The following KLF11 variants were observed in gnomAD, a reference collection of about 807,000 sequenced individuals.
KLF11 encodes KLF transcription factor 11.
KLF11 carries 26 observed loss-of-function variants against 29.9 expected under a neutral mutation model. The observed-to-expected ratio is 0.87, with a 90% CI of 0.64 to 1.21. The LOEUF is 1.21. Among genes scored for constraint, KLF11 ranks in the 50% most tolerant of loss-of-function variants. The pLI is 0.00. For missense variants in KLF11, 778 were observed against 665.7 expected (o/e 1.17, Z -1.86); for synonymous variants, 318 against 257.4 (o/e 1.24, Z -2.25).
intron 2 of KLF11, among the ~76,000 whole-genome samples, chr2:10,046,698 T>C (rs1040198100): frequency 6.6e-6 from 1 of 151,964 alleles, no homozygotes; most frequent in Non-Finnish European, 1.5e-5. Context: ...CTACTAAAAG[T>C]ACAAAATTTA....
chr2:10,045,721 C>T (rs1440107920), intron 1 of KLF11, among the ~76,000 whole-genome samples: 1 of 152,254 alleles, frequency 6.6e-6, no homozygotes, highest in Non-Finnish European at 1.5e-5. Flanking sequence ...GGCGGCTTTG[C>T]CGCCTCAGAG....
chr2:10,044,874 G>T (rs1167995863), intron 1 of KLF11, among the ~76,000 whole-genome samples: 3 of 152,030 alleles, frequency 2.0e-5, no homozygotes, highest in African/African-American at 7.2e-5. Context: ...GGTCTGGTGC[G>T]GTGGCTCACG....
Position 10,048,455 on chromosome 2 carries a change from C to T in KLF11, c.1118C>T (p.Pro373Leu), listed in dbSNP as rs141324729. 15 of 1,614,010 alleles carry T rather than the reference C, an allele frequency of 9.3e-6. No homozygotes were observed. In the African/African-American group the frequency reaches 1.5e-4, roughly 16 times the overall value. ...NTKLLPLAPA[P>L]VFITSSQNCV... ...AAGTTGTTGCCCCTTGCCCCTGCTC[C>T]AGTGTTCATCACCTCTAGCCAAAAC... Residue 373 changes from proline to leucine, a missense_variant, in exon 3 of 4, where the codon CCA becomes CTA. Pro to Leu is a moderately conservative substitution (Grantham distance 98). Coordinates refer to ENST00000305883, the MANE Select transcript of KLF11 (RefSeq NM_003597.5).
chr2:10,047,227 T>TG (rs770171866), intron 2 of KLF11, among the ~76,000 whole-genome samples: 10 of 152,308 alleles, frequency 6.6e-5, no homozygotes, highest in Admixed American at 3.9e-4. Context: ...TGAAAGTACT[T>TG]GGAAAAATTG....
chr2:10,045,138 T>A (rs1173676502), intron 1 of KLF11, among the ~76,000 whole-genome samples: 1 of 150,380 alleles, frequency 6.6e-6, no homozygotes, highest in East Asian at 2.0e-4. Context: ...AGAGCAAGAC[T>A]CTGTCTCAAA....
Position 10,054,612 on chromosome 2 carries a change from C to T in KLF11, c.*2105C>T, listed in dbSNP as rs1182735566. Reference sequence around the variant, plus strand: ...TCGGCATGGAGCCCTCAGCTGGCGGCTCTGGGTGCTGACGGCCGCTGGAGA... The same window carrying T: ...TCGGCATGGAGCCCTCAGCTGGCGGTTCTGGGTGCTGACGGCCGCTGGAGA... On this transcript the variant is annotated 3_prime_UTR_variant, in exon 4 of 4. Transcript: ENST00000305883. 6.5e-6 allele frequency: 1 copy of T among 152,694 alleles called. No individual in the cohort carries two copies. The highest frequency in any genetic ancestry group is 2.4e-5 in the African/African-American group (1 of 41,458). The allele number at this position is 152,694 out of a possible 1,614,324, so 9.5% of individuals were successfully genotyped here. A position where few individuals can be genotyped will look rare whatever the true frequency, so the allele number is the denominator to read the frequency against.
rs1366493460 is a variant in KLF11, at chr2:10,053,802, C to CTGA, written c.*1297_*1299dup. On this transcript the variant is annotated 3_prime_UTR_variant, in exon 4 of 4. Coordinates refer to ENST00000305883, the MANE Select transcript of KLF11 (RefSeq NM_003597.5). ...GTGGCCACCTGTGTTCAAGAAGCCA[C>CTGA]TGATACTGGTTTTTGTTAAACATTG... 5.8e-6 allele frequency: 1 copy of CTGA among 172,280 alleles called. No homozygotes were observed. Among genetic ancestry groups the CTGA allele is most frequent in the African/African-American group, 2.4e-5 (1 of 42,310 alleles). The allele number at this position is 172,280 out of a possible 1,614,324, so 10.7% of individuals were successfully genotyped here. A position where few individuals can be genotyped will look rare whatever the true frequency, so the allele number is the denominator to read the frequency against.
chr2:10,048,078 C>T lies in KLF11; in HGVS notation c.741C>T (p.Gly247=), dbSNP rs765025458. The T allele has an allele frequency of 6.2e-7, 1 of 1,614,182 alleles. No homozygotes were observed. The highest frequency in any genetic ancestry group is 1.1e-5 in the South Asian group (1 of 91,084). The change falls in exon 3 of 4, where the codon GGC becomes GGT. Residue 247 remains glycine, a synonymous_variant. Transcript: ENST00000305883. ...GTGGCCTGCTGCTCACTGACAAAGG[C>T]CAGCAGGCAGGGTGGCCTGGTGCAG... is the stretch of plus-strand genomic sequence containing the variant. The part of the protein sequence containing the change: ...KSGGLLLTDK[G]QQAGWPGAVQ...
intron 3 of KLF11, among the ~76,000 whole-genome samples, chr2:10,049,874 C>G (rs1041028929): frequency 6.6e-6 from 1 of 152,064 alleles, no homozygotes; most frequent in Non-Finnish European, 1.5e-5. Flanking sequence ...TGTCAGGGAA[C>G]GGGTGTTTCT....
At position 10,053,787 on chromosome 2, in the gene KLF11, G is replaced by A. The variant is rs1199222909; in HGVS notation, c.*1280G>A. 5.5e-6 allele frequency: 1 copy of A among 181,220 alleles called. No individual in the cohort carries two copies. 11.2% of individuals were successfully genotyped at this position (181,220 alleles called of 1,614,324 possible). A position where few individuals can be genotyped will look rare whatever the true frequency, so the allele number is the denominator to read the frequency against. On this transcript the variant is annotated 3_prime_UTR_variant, in exon 4 of 4. Transcript: ENST00000305883. ...GATAACCGAGAGAATGTGGCCACCT[G>A]TGTTCAAGAAGCCACTGATACTGGT...
At position 10,050,132 on chromosome 2, in the gene KLF11, T is replaced by C. The variant is rs74259022; in HGVS notation, c.1258+1537T>C. Among the ~76,000 whole-genome samples, 36 of 152,224 alleles carry C rather than the reference T, an allele frequency of 2.4e-4. 1 individual carries two copies. The South Asian group carries it at 2.5e-3, about 11-fold the overall frequency. Reference sequence around the variant, plus strand: ...GTACTTCCAATTCAATAACAGGCCTTGTACAGGGGCTCACGCCTGTCATCC... The same window carrying C: ...GTACTTCCAATTCAATAACAGGCCTCGTACAGGGGCTCACGCCTGTCATCC... On this transcript the variant is annotated intron_variant, in intron 3 of 3. Coordinates refer to ENST00000305883, the MANE Select transcript of KLF11 (RefSeq NM_003597.5).
At chr2:10,044,081 G>A in intron 1 of KLF11, 1 of 713,824 alleles carries the variant, frequency 1.4e-6, no homozygotes, top group Non-Finnish European at 1.7e-6. Flanking sequence ...GACGGCCGTT[G>A]GGCGGGGGAG....
chr2:10,048,365 TG>T lies in KLF11; in HGVS notation c.1029del (p.Gln345ArgfsTer42), dbSNP rs781234072. ...AVPQGAVMLV[L>X]PQGALPPPAP... ...CCTCAGGGAGCTGTGATGTTGGTCC[TG>T]CCCCAGGGAGCCCTCCCTCCGCCTG... On this transcript the variant is annotated frameshift_variant, in exon 3 of 4. Transcript: ENST00000305883. LOFTEE classifies it high-confidence loss of function. The T allele has an allele frequency of 6.2e-7, 1 of 1,611,310 alleles. No individual in the cohort carries two copies. Among genetic ancestry groups the T allele is most frequent in the South Asian group, 1.1e-5 (1 of 90,882 alleles).
intron 3 of KLF11, 152 bp downstream of exon 3, chr2:10,048,747 C>A: frequency 1.4e-6 from 1 of 704,618 alleles, no homozygotes; most frequent in South Asian, 1.5e-5. Context: ...CCCGCACAAC[C>A]TTGTAAGGGT....
chr2:10,043,870 T>A lies in KLF11; in HGVS notation c.42+112T>A, dbSNP rs895378535. The stretch of plus-strand genomic sequence containing the variant: ...ATGCGGGAGGTGGGGCGTGCAGGGC[T>A]TCGCTGCGGCCGCGCCGGTAGGGGC... On this transcript the variant is annotated intron_variant, in intron 1 of 3. Coordinates refer to ENST00000305883, the MANE Select transcript of KLF11 (RefSeq NM_003597.5). The A allele has an allele frequency of 8.7e-4, 976 of 1,118,728 alleles. 1 individual carries two copies. The highest frequency in any genetic ancestry group is 1.0e-3 in the Non-Finnish European group (905 of 903,846). The allele number at this position is 1,118,728 out of a possible 1,614,324, so 69.3% of individuals were successfully genotyped here.
chr2:10,053,611 G>A lies in KLF11; in HGVS notation c.*1104G>A, dbSNP rs1459078309. 4 of 394,668 alleles carry A rather than the reference G, an allele frequency of 1.0e-5. No individual in the cohort carries two copies. Among genetic ancestry groups the A allele is most frequent in the Non-Finnish European group, 1.8e-5 (4 of 223,964 alleles). The allele number at this position is 394,668 out of a possible 1,614,324, so 24.4% of individuals were successfully genotyped here. A position where few individuals can be genotyped will look rare whatever the true frequency, so the allele number is the denominator to read the frequency against. ...AGAAACACAAGGAAATGCAAGTTAC[G>A]CTAAATGGCAGTAATACTACCCAAC... is the stretch of plus-strand genomic sequence containing the variant. On this transcript the variant is annotated 3_prime_UTR_variant, in exon 4 of 4. Transcript: ENST00000305883.
chr2:10,043,797 A>AGCGAGGGGCGAG, intron 1 of KLF11, 39 bp downstream of exon 1: 6 of 1,343,802 alleles, frequency 4.5e-6, no homozygotes, highest in Non-Finnish European at 5.8e-6. Context: ...TACTCGTCTG[A>AGCGAGGGGCGAG]GCGAGGGGCG....
chr2:10,048,638 G>A (rs1661310869), intron 3 of KLF11, 43 bp downstream of exon 3: 1 of 1,470,096 alleles, frequency 6.8e-7, no homozygotes, highest in South Asian at 1.1e-5. Context: ...ACCAGACCCT[G>A]TGGTTAGGAA....
rs1012769531 is a variant in KLF11 at position 10,043,715 on chromosome 2, C to G, written c.-2C>G. ...CTTTGTTGCTCCCGGCCGGCCTGCA[C>G]GATGCACACGCCGGACTTCGCAGGC... On this transcript the variant is annotated 5_prime_UTR_variant, in exon 1 of 4. Transcript: ENST00000305883. 2.9e-6 allele frequency: 4 copies of G among 1,364,220 alleles called. No individual in the cohort carries two copies. Among genetic ancestry groups the G allele is most frequent in the Non-Finnish European group, 3.8e-6 (4 of 1,042,968 alleles). The allele number at this position is 1,364,220 out of a possible 1,614,324, so 84.5% of individuals were successfully genotyped here. A position where few individuals can be genotyped will look rare whatever the true frequency, so the allele number is the denominator to read the frequency against.
Sources: gnomAD v4.1 joint callset for allele counts (sites outside exome capture counted in the v4.1 genomes callset) on GRCh38, gnomAD v4.1.1 for gene constraint, MANE v1.5 for transcripts, NCBI Gene and HGNC (gene_info 2026-07-23, HGNC 2026-07-21) for gene names.